The following KIF17 variants were observed in gnomAD, a reference collection of about 807,000 sequenced individuals.
The protein encoded by KIF17 is kinesin family member 17.
Under a neutral mutation model 96.8 loss-of-function variants are expected in KIF17, and 80 were observed. The ratio of observed to expected loss-of-function variants is 0.83; its 90% CI spans 0.69 to 1.00. KIF17 has a LOEUF of 1.00. KIF17 is among the 50% of genes least tolerant of loss of function. The probability of loss-of-function intolerance (pLI) is 0.00; values close to 1 mark genes in which losing one functional copy is unlikely to be tolerated. For missense variants in KIF17, 1,280 were observed against 1,372.9 expected, an observed-to-expected ratio of 0.93 and a Z score of 1.07; for synonymous variants, 567 against 587.5, an observed-to-expected ratio of 0.97 and a Z score of 0.51.
At chr1:20,661,640 C>T, downstream of KIF17, 1 of 506,858 alleles carries the variant, frequency 2.0e-6, no homozygotes. Flanking sequence ...GGCCAATCAA[C>T]GAGGCCGAGC....
chr1:20,696,145 A>T (rs534154852), intron 6 of KIF17, among the ~76,000 whole-genome samples: 4 of 152,272 alleles, frequency 2.6e-5, no homozygotes, highest in Non-Finnish European at 5.9e-5. Context: ...GACGGACCCT[A>T]GGAATCTTCT....
chr1:20,685,267 C>T lies in KIF17; in HGVS notation c.2020-247G>A, dbSNP rs1035473546. The T allele has an allele frequency of 3.0e-6, 2 of 676,252 alleles. No individual in the cohort carries two copies. The highest frequency in any genetic ancestry group is 1.8e-5 in the African/African-American group (1 of 56,702). The allele number at this position is 676,252 out of a possible 1,614,324, so 41.9% of individuals were successfully genotyped here. A position where few individuals can be genotyped will look rare whatever the true frequency, so the allele number is the denominator to read the frequency against. ...CCTCTCTCACCTCCCACAATCCAGT[C>T]TCCACAGGCAGCCAGGGCCATCTTA... On this transcript the variant is annotated intron_variant, in intron 9 of 14. Transcript: ENST00000400463. This position sits in a 1 kb window ranked among gnomAD's most constrained non-coding sequence, Gnocchi z 4.1.
Position 20,690,352 on chromosome 1 carries a change from G to GGGGCGCC in KIF17, c.1234-18_1234-17insGGCGCCC. The GGGGCGCC allele has an allele frequency of 1.1e-5, 5 of 451,160 alleles. No homozygotes were observed. The highest frequency in any genetic ancestry group is 2.1e-5 in the Non-Finnish European group (5 of 235,138). The allele number at this position is 451,160 out of a possible 1,614,324, so 27.9% of individuals were successfully genotyped here. A position where few individuals can be genotyped will look rare whatever the true frequency, so the allele number is the denominator to read the frequency against. The stretch of plus-strand genomic sequence containing the variant: ...TTCATACTCCTGGGGGGGTGGGAGG[G>GGGGCGCC]ACCAGAGGGCAGGCAGCATTTTATC... On this transcript the variant is annotated splice_polypyrimidine_tract_variant and intron_variant, in intron 6 of 14. Coordinates refer to ENST00000400463, the MANE Select transcript of KIF17 (RefSeq NM_001122819.3).
rs2054222921 is a variant in KIF17 at position 20,700,927 on chromosome 1, C to A, written c.1124-2439G>T. 6.6e-6 allele frequency among the ~76,000 whole-genome samples: 1 copy of A among 152,196 alleles called. No individual in the cohort carries two copies. Among genetic ancestry groups the A allele is most frequent in the South Asian group, 2.1e-4 (1 of 4,828 alleles). Reference sequence around the variant, plus strand: ...CCAGAATTATTCAGATCAGCTGGTCCCAACCTGCCTCCCAGGCCTTGCTGT... The same window carrying A: ...CCAGAATTATTCAGATCAGCTGGTCACAACCTGCCTCCCAGGCCTTGCTGT... On this transcript the variant is annotated intron_variant, in intron 5 of 14. Transcript: ENST00000400463. The surrounding 1 kb of genome is among the most constrained non-coding windows in gnomAD (Gnocchi z 4.6).
intron 4 of KIF17, among the ~76,000 whole-genome samples, chr1:20,707,700 A>T (rs1417313168): frequency 6.7e-6 from 1 of 149,896 alleles, no homozygotes; most frequent in African/African-American, 2.5e-5. Context: ...AGCCTGGGAG[A>T]CCAAGGTTGC....
intron 11 of KIF17, among the ~76,000 whole-genome samples, chr1:20,677,578 G>A (rs1311403623): frequency 6.6e-6 from 1 of 152,176 alleles, no homozygotes. Flanking sequence ...AGGAGGCCAG[G>A]CGTAGTGGCT....
Position 20,685,402 on chromosome 1 carries a change from C to T in KIF17, c.2020-382G>A. ...CCGGCTCCCTGCCTCCACGGCCTCC[C>T]CCGCCACCGTGGCCTCCTTTTCCAT... On this transcript the variant is annotated intron_variant, in intron 9 of 14. Coordinates refer to ENST00000400463, the MANE Select transcript of KIF17 (RefSeq NM_001122819.3). This position sits in a 1 kb window ranked among gnomAD's most constrained non-coding sequence, Gnocchi z 4.1. 1 of 404,816 alleles carries T rather than the reference C, an allele frequency of 2.5e-6. No homozygotes were observed. 25.1% of individuals were successfully genotyped at this position (404,816 alleles called of 1,614,324 possible). A position where few individuals can be genotyped will look rare whatever the true frequency, so the allele number is the denominator to read the frequency against.
At position 20,700,915 on chromosome 1, in the gene KIF17, G is replaced by T. The variant is rs1190879145; in HGVS notation, c.1124-2427C>A. ...CCCCAACGCCCACCAGAATTATTCAGATCAGCTGGTCCCAACCTGCCTCCC... is the reference window on the plus strand; with the variant it reads ...CCCCAACGCCCACCAGAATTATTCATATCAGCTGGTCCCAACCTGCCTCCC... On this transcript the variant is annotated intron_variant, in intron 5 of 14. Transcript: ENST00000400463. This position sits in a 1 kb window ranked among gnomAD's most constrained non-coding sequence, Gnocchi z 4.6. Among the ~76,000 whole-genome samples, 1 of 152,156 alleles carries T rather than the reference G, an allele frequency of 6.6e-6. No individual in the cohort carries two copies. Among genetic ancestry groups the T allele is most frequent in the Non-Finnish European group, 1.5e-5 (1 of 68,018 alleles).
rs754311938 is a variant in KIF17, at chr1:20,699,641, G to A, written c.1124-1153C>T. Among the ~76,000 whole-genome samples, 1 of 151,384 alleles carries A rather than the reference G, an allele frequency of 6.6e-6. No individual in the cohort carries two copies. Among genetic ancestry groups the A allele is most frequent in the Non-Finnish European group, 1.5e-5 (1 of 68,032 alleles). On this transcript the variant is annotated intron_variant, in intron 5 of 14. Transcript: ENST00000400463. This position sits in a 1 kb window ranked among gnomAD's most constrained non-coding sequence, Gnocchi z 4.3. ...ATGAAGGAAGCAGCGAGGAGAGGGC[G>A]GGCACAGGAGGAGCTTGCTAGACAG...
chr1:20,663,527 G>A (rs2053472993), downstream of KIF17, among the ~76,000 whole-genome samples: 1 of 152,228 alleles, frequency 6.6e-6, no homozygotes, highest in Non-Finnish European at 1.5e-5. Flanking sequence ...TTTCACAGAT[G>A]AGGCTCAGAG....
rs775659554 is a variant in KIF17 at position 20,687,642 on chromosome 1, C to T, written c.1684G>A (p.Val562Met). The part of the protein sequence containing the change: ...AFPGPEEPSN[V>M]EVSMPTEESR... ...TCCTCAGTGGGCATGGAGACCTCCA[C>T]GTTGGAGGGCTCCTCAGGCCCAGGG... The change falls in exon 8 of 15, where the codon GTG (valine) becomes ATG (methionine). Residue 562 changes from valine (V) to methionine (M), a missense_variant. By Grantham distance (21) the Val-to-Met change is conservative. Coordinates refer to ENST00000400463, the MANE Select transcript of KIF17 (RefSeq NM_001122819.3). This position sits in a 1 kb window ranked among gnomAD's most constrained non-coding sequence, Gnocchi z 4.4. 1.4e-5 allele frequency: 23 copies of T among 1,614,036 alleles called. No homozygotes were observed. The highest frequency in any genetic ancestry group is 1.7e-5 in the Non-Finnish European group (20 of 1,180,026).
At chr1:20,688,069 CAG>C in intron 7 of KIF17, 125 bp from the exon 8 acceptor site, 2 of 819,188 alleles carry the variant, frequency 2.4e-6, no homozygotes, top group South Asian at 3.1e-5. Context: ...TTTTTTGAGA[CAG>C]AGTCTTGCTC....
intron 10 of KIF17, among the ~76,000 whole-genome samples, chr1:20,683,953 G>A (rs1156466813): frequency 6.6e-6 from 1 of 151,600 alleles, no homozygotes; most frequent in Admixed American, 6.6e-5. Context: ...TGTGAAAACA[G>A]CCAGGACATG....
At chr1:20,692,932 C>T (rs924961432) in intron 6 of KIF17, among the ~76,000 whole-genome samples, 194 of 152,222 alleles carry the variant, frequency 1.3e-3, no homozygotes, top group Non-Finnish European at 2.3e-3. Flanking sequence ...TGCCACCACG[C>T]CTGGCTAATT....
intron 11 of KIF17, among the ~76,000 whole-genome samples, chr1:20,675,236 A>G (rs531874853): frequency 6.6e-6 from 1 of 151,762 alleles, no homozygotes; most frequent in East Asian, 1.9e-4. Context: ...TCACAAGGCC[A>G]GGAGATCAAG....
rs2054521359 is a variant in KIF17, at chr1:20,713,570, C to A, written c.379-15G>T. 2 of 1,595,572 alleles carry A rather than the reference C, an allele frequency of 1.3e-6. No homozygotes were observed. The highest frequency in any genetic ancestry group is 2.7e-5 in the African/African-American group (2 of 74,630). ...TTCTCTGCACACTGCAGGGAGTACA[C>A]AGAAAGAACCTAGACCTCAGAGCTC... On this transcript the variant is annotated splice_polypyrimidine_tract_variant and intron_variant, in intron 2 of 14. Coordinates refer to ENST00000400463, the MANE Select transcript of KIF17 (RefSeq NM_001122819.3).
chr1:20,712,616 A>T lies in KIF17; in HGVS notation c.480+838T>A, dbSNP rs1235907414. ...TATCTATATATATCTATATATATAT[A>T]ATATAGATAATATCTATATATATAA... On this transcript the variant is annotated intron_variant, in intron 3 of 14. Transcript: ENST00000400463. Among the ~76,000 whole-genome samples the T allele has an allele frequency of 1.3e-3, 36 of 27,744 alleles. 4 individuals carry two copies. The highest frequency in any genetic ancestry group is 3.5e-3 in the African/African-American group (36 of 10,148). 18.2% of individuals were successfully genotyped at this position (27,744 alleles called of 152,430 possible).
chr1:20,668,100 G>T (rs1463291849), intron 13 of KIF17, among the ~76,000 whole-genome samples: 4 of 151,818 alleles, frequency 2.6e-5, no homozygotes, highest in African/African-American at 7.3e-5. Flanking sequence ...CACGAGGTCA[G>T]GAGATTGAGA....
At chr1:20,666,070 AC>A (rs2053521644) in intron 14 of KIF17, 143 bp downstream of exon 14, 1 of 745,580 alleles carries the variant, frequency 1.3e-6, no homozygotes, top group Non-Finnish European at 2.4e-6. Flanking sequence ...AGTTGGTGTT[AC>A]CCCCCTCATT....
Sources: allele counts gnomAD v4.1 joint callset (sites outside exome capture counted in the v4.1 genomes callset), GRCh38; gene constraint gnomAD v4.1.1; non-coding constraint Gnocchi (gnomAD v3.1); transcripts MANE v1.5; gene names NCBI Gene and HGNC (gene_info 2026-07-23, HGNC 2026-07-21).